The following DLG2 variants were observed in gnomAD, a reference collection of about 807,000 sequenced individuals.
The protein encoded by DLG2 is discs large MAGUK scaffold protein 2.
A neutral mutation model predicts 132.5 loss-of-function variants in DLG2; 45 were observed. The observed-to-expected ratio is 0.34, with a 90% CI of 0.27 to 0.44. The LOEUF is 0.44. Ranked by LOEUF, DLG2 falls within the 20% of genes least tolerant of loss-of-function variation. DLG2 has a pLI of 1.00. For missense variants in DLG2, 1,045 were observed against 1,196.9 expected (o/e 0.87, Z 1.87); for synonymous variants, 424 against 419.6 (o/e 1.01, Z -0.13).
chr11:84,857,215 G>A (rs2082912260), intron 6 of DLG2, among the ~76,000 whole-genome samples: 1 of 151,932 alleles, frequency 6.6e-6, no homozygotes, highest in African/African-American at 2.4e-5. Context: ...AGAAGGAGAA[G>A]CAAAGTCGAA....
At chr11:84,465,753 G>A (rs577744824) in intron 7 of DLG2, among the ~76,000 whole-genome samples, 2 of 151,260 alleles carry the variant, frequency 1.3e-5, no homozygotes, top group South Asian at 2.1e-4. Flanking sequence ...CTTATTCAGA[G>A]TACCTCTCTG....
rs1595291117 is a variant in DLG2 at position 84,666,959 on chromosome 11, T to A, written c.358-132228A>T. Among the ~76,000 whole-genome samples the A allele has an allele frequency of 2.6e-5, 4 of 152,246 alleles. No individual in the cohort carries two copies. The South Asian group carries it at 8.3e-4, about 32-fold the overall frequency. Reference sequence around the variant, plus strand: ...GCTTCATTTCATGGTAGAGAAAATTTATGTGTTGTCCTATCTACATATCCC... The same window carrying A: ...GCTTCATTTCATGGTAGAGAAAATTAATGTGTTGTCCTATCTACATATCCC... On this transcript the variant is annotated intron_variant, in intron 6 of 27. Transcript: ENST00000376104.
chr11:84,240,209 C>T (rs1445146008), intron 8 of DLG2, among the ~76,000 whole-genome samples: 1 of 152,156 alleles, frequency 6.6e-6, no homozygotes, highest in East Asian at 1.9e-4. Flanking sequence ...AAGGGCAACC[C>T]CCAAGGGTGG....
chr11:84,158,345 G>A (rs1422232055), intron 9 of DLG2, among the ~76,000 whole-genome samples: 1 of 152,170 alleles, frequency 6.6e-6, no homozygotes, highest in African/African-American at 2.4e-5. Flanking sequence ...TTACAGGCAT[G>A]AGCCACCGCC....
intron 7 of DLG2, among the ~76,000 whole-genome samples, chr11:84,510,100 ATT>A (rs2099253112): frequency 1.3e-5 from 2 of 148,452 alleles, no homozygotes; most frequent in African/African-American, 4.9e-5. Context: ...TTCACTTATT[ATT>A]ATTATTATTA....
Position 85,186,483 on chromosome 11 carries a change from T to C in DLG2, c.187-31832A>G, listed in dbSNP as rs1235935253. On this transcript the variant is annotated intron_variant, in intron 4 of 27. Coordinates refer to ENST00000376104, the MANE Select transcript of DLG2 (RefSeq NM_001142699.3). The stretch of plus-strand genomic sequence containing the variant: ...AAGTAGATATGTAAAGAATGTTCAA[T>C]ACAAGTTTTGTGGAATGAATAAATA... Among the ~76,000 whole-genome samples, 4 of 152,218 alleles carry C rather than the reference T, an allele frequency of 2.6e-5. No individual in the cohort carries two copies. The South Asian group carries it at 6.2e-4, about 24-fold the overall frequency.
chr11:85,481,380 G>C (rs2093285290), intron 3 of DLG2, among the ~76,000 whole-genome samples: 1 of 152,086 alleles, frequency 6.6e-6, no homozygotes, highest in Admixed American at 6.6e-5. Context: ...TTTCACAATA[G>C]GTAAGGAAAC....
chr11:84,802,098 T>TAAAAAAAAAAAGCA (rs1198651748), intron 6 of DLG2, among the ~76,000 whole-genome samples: 1 of 132,892 alleles, frequency 7.5e-6, no homozygotes, highest in African/African-American at 2.8e-5. Flanking sequence ...TACTTTTAGT[T>TAAAAAAAAAAAGCA]AAAAAAAAAA....
chr11:85,238,754 G>GA (rs2152669623), intron 4 of DLG2, among the ~76,000 whole-genome samples: 1 of 151,668 alleles, frequency 6.6e-6, no homozygotes, highest in East Asian at 1.9e-4. Flanking sequence ...CAATAAGATA[G>GA]AAAAAAGTAT....
At chr11:84,015,114 ATAAG>A (rs1391576476) in intron 11 of DLG2, among the ~76,000 whole-genome samples, 10 of 152,182 alleles carry the variant, frequency 6.6e-5, no homozygotes, top group Non-Finnish European at 1.2e-4. Flanking sequence ...TATTCAATAA[ATAAG>A]TGTCAAAACA....
At chr11:84,180,178 G>A (rs2096077852) in intron 8 of DLG2, among the ~76,000 whole-genome samples, 1 of 152,076 alleles carries the variant, frequency 6.6e-6, no homozygotes, top group Admixed American at 6.6e-5. Context: ...AATGTAAGTA[G>A]AGAGATACAT....
rs147081711 is a variant in DLG2 at position 83,849,387 on chromosome 11, C to T, written c.1566-15617G>A. 2.6e-3 allele frequency among the ~76,000 whole-genome samples: 391 copies of T among 150,864 alleles called. 7 individuals carry two copies. The highest frequency in any genetic ancestry group is 0.019 in the Admixed American group (289 of 15,156). On this transcript the variant is annotated intron_variant, in intron 16 of 27. Coordinates refer to ENST00000376104, the MANE Select transcript of DLG2 (RefSeq NM_001142699.3). ...TCTTAATAGCCATTCAAATGTTTAT[C>T]GAGCATAAACATTTGTCAAGTATTG...
chr11:84,213,838 A>G (rs79007377), intron 8 of DLG2, among the ~76,000 whole-genome samples: 9 of 132,290 alleles, frequency 6.8e-5, no homozygotes, highest in African/African-American at 2.5e-4. Context: ...AAAAAAAAAG[A>G]AAAAAAAAAA....
At chr11:84,632,967 G>A (rs1407211586) in intron 6 of DLG2, among the ~76,000 whole-genome samples, 2 of 152,148 alleles carry the variant, frequency 1.3e-5, no homozygotes, top group South Asian at 2.1e-4. Flanking sequence ...ATGACTTTGA[G>A]CAATTCCATA....
At chr11:85,356,189 A>C (rs2083675768) in intron 3 of DLG2, among the ~76,000 whole-genome samples, 1 of 152,192 alleles carries the variant, frequency 6.6e-6, no homozygotes, top group Non-Finnish European at 1.5e-5. Context: ...CATTCTCTAA[A>C]TACACAGTCT....
intron 2 of DLG2, among the ~76,000 whole-genome samples, chr11:85,610,880 C>A (rs113167360): frequency 1.3e-5 from 2 of 152,192 alleles, no homozygotes; most frequent in Non-Finnish European, 2.9e-5. Context: ...GAATCACGGG[C>A]TTTTGCCGAC....
chr11:83,781,332 G>C (rs2094817586), intron 18 of DLG2, among the ~76,000 whole-genome samples: 3 of 151,828 alleles, frequency 2.0e-5, no homozygotes, highest in Admixed American at 2.0e-4. Flanking sequence ...TCACTGCTTT[G>C]TTATTTCCTT....
intron 7 of DLG2, among the ~76,000 whole-genome samples, chr11:84,502,957 T>C (rs1012149929): frequency 6.6e-6 from 1 of 152,108 alleles, no homozygotes; most frequent in Non-Finnish European, 1.5e-5. Context: ...AGTGCCTAAT[T>C]AGAATAGACA....
intron 17 of DLG2, among the ~76,000 whole-genome samples, chr11:83,825,509 A>G (rs1326744035): frequency 6.6e-6 from 1 of 152,004 alleles, no homozygotes; most frequent in Non-Finnish European, 1.5e-5. Context: ...AACATATATT[A>G]TACAGCCGGA....
Sources: allele counts gnomAD v4.1 joint callset (sites outside exome capture counted in the v4.1 genomes callset), GRCh38; gene constraint gnomAD v4.1.1; transcripts MANE v1.5; gene names NCBI Gene and HGNC (gene_info 2026-07-23, HGNC 2026-07-21).